Variants in IMMP2L observed in about 807,000 individuals in gnomAD.
The protein encoded by IMMP2L is mitochondrial inner membrane protease subunit 2.
In IMMP2L, 18 loss-of-function variants were observed where a neutral mutation model predicts 19.3. The ratio of observed to expected loss-of-function variants is 0.93; its 90% CI spans 0.64 to 1.38. The LOEUF is 1.38. Ranked by LOEUF, IMMP2L falls within the 40% of genes most tolerant of loss-of-function variation. The pLI, the probability that IMMP2L is intolerant of heterozygous loss-of-function variation, is 0.00. For synonymous variants in IMMP2L, 76 were observed against 73.0 expected (o/e 1.04, Z -0.21); for missense variants, 233 against 218.2 (o/e 1.07, Z -0.43).
chr7:110,890,189 C>T (rs1258906051), intron 4 of IMMP2L, among the ~76,000 whole-genome samples: 1 of 152,110 alleles, frequency 6.6e-6, no homozygotes, highest in Non-Finnish European at 1.5e-5. Flanking sequence ...TTTGCTCCTA[C>T]GTCCTTCTGG....
At chr7:111,151,423 C>T (rs1224229149) in intron 3 of IMMP2L, among the ~76,000 whole-genome samples, 2 of 151,852 alleles carry the variant, frequency 1.3e-5, no homozygotes, top group Admixed American at 6.6e-5. Flanking sequence ...GTTTCTTCAA[C>T]AAATAAATTG....
intron 5 of IMMP2L, among the ~76,000 whole-genome samples, chr7:110,866,196 G>C (rs1354684801): frequency 6.6e-6 from 1 of 151,620 alleles, no homozygotes; most frequent in Admixed American, 6.6e-5. Context: ...CTCTACTTTA[G>C]GAAATTTCTA....
chr7:110,866,504 C>T (rs1807995391), intron 5 of IMMP2L, among the ~76,000 whole-genome samples: 1 of 151,910 alleles, frequency 6.6e-6, no homozygotes, highest in South Asian at 2.1e-4. Context: ...TTGCTCTTCC[C>T]TCTATTGCTT....
At chr7:110,835,335 C>T (rs10235042) in intron 5 of IMMP2L, among the ~76,000 whole-genome samples, 4,122 of 152,118 alleles carry the variant, frequency 0.027, 191 homozygotes, top group African/African-American at 0.093. Flanking sequence ...TATCTGAGGC[C>T]AAAGGTCTGA....
chr7:110,949,813 G>T (rs1817609872), intron 4 of IMMP2L, among the ~76,000 whole-genome samples: 1 of 152,082 alleles, frequency 6.6e-6, no homozygotes, highest in Admixed American at 6.6e-5. Flanking sequence ...AGCAGGTTAA[G>T]ATTAGAAAGA....
At chr7:111,303,015 C>T (rs1035121998) in intron 3 of IMMP2L, among the ~76,000 whole-genome samples, 2 of 152,234 alleles carry the variant, frequency 1.3e-5, no homozygotes, top group Non-Finnish European at 2.9e-5. Context: ...GCCATCTTGC[C>T]TCCATCCTTG....
intron 3 of IMMP2L, among the ~76,000 whole-genome samples, chr7:110,969,313 G>A (rs1340906040): frequency 2.6e-5 from 4 of 152,024 alleles, no homozygotes; most frequent in Non-Finnish European, 5.9e-5. Context: ...ATGTAGGTCA[G>A]TAGTATTTCA....
chr7:111,068,166 C>T (rs758020209), intron 3 of IMMP2L, among the ~76,000 whole-genome samples: 1 of 151,982 alleles, frequency 6.6e-6, no homozygotes, highest in South Asian at 2.1e-4. Flanking sequence ...TACATACATA[C>T]ATACATCAAG....
chr7:110,694,882 T>C (rs1793766669), intron 5 of IMMP2L, among the ~76,000 whole-genome samples: 1 of 151,656 alleles, frequency 6.6e-6, no homozygotes, highest in Admixed American at 6.6e-5. Flanking sequence ...AGATTATTCA[T>C]CTATAAAAAA....
At chr7:111,121,988 C>T (rs214866) in intron 3 of IMMP2L, among the ~76,000 whole-genome samples, 8,184 of 150,876 alleles carry the variant, frequency 0.054, 423 homozygotes, top group African/African-American at 0.13. Context: ...ACAAAAAAAC[C>T]AAACACCACA....
At chr7:110,812,107 T>C (rs1802083068) in intron 5 of IMMP2L, among the ~76,000 whole-genome samples, 1 of 152,062 alleles carries the variant, frequency 6.6e-6, no homozygotes, top group Non-Finnish European at 1.5e-5. Context: ...TATGTATATA[T>C]ACATAAATGT....
At chr7:111,238,429 C>A (rs1814601234) in intron 3 of IMMP2L, among the ~76,000 whole-genome samples, 1 of 151,902 alleles carries the variant, frequency 6.6e-6, no homozygotes, top group African/African-American at 2.4e-5. Flanking sequence ...GTTTCACTGA[C>A]AATACGATGT....
intron 3 of IMMP2L, among the ~76,000 whole-genome samples, chr7:111,142,336 AAAAAAAAGAAAG>A (rs1470643882): frequency 9.0e-5 from 12 of 132,674 alleles, no homozygotes; most frequent in African/African-American, 1.0e-4. Flanking sequence ...AAAAAAAAAA[AAAAAAAAGAAAG>A]AAAGAAAGAA....
chr7:111,188,696 G>C (rs1282005716), intron 3 of IMMP2L, among the ~76,000 whole-genome samples: 1 of 152,062 alleles, frequency 6.6e-6, no homozygotes, highest in Non-Finnish European at 1.5e-5. Context: ...ACTTGCTAGT[G>C]AGTGGGTAGC....
intron 5 of IMMP2L, among the ~76,000 whole-genome samples, chr7:110,878,283 A>G (rs1809278271): frequency 6.6e-6 from 1 of 152,106 alleles, no homozygotes; most frequent in Non-Finnish European, 1.5e-5. Flanking sequence ...GGAGCATGAT[A>G]CTCTTTACAT....
chr7:111,022,161 T>C (rs1826349923), intron 3 of IMMP2L, among the ~76,000 whole-genome samples: 1 of 152,200 alleles, frequency 6.6e-6, no homozygotes, highest in African/African-American at 2.4e-5. Context: ...CAACAAATCC[T>C]AGTCTGAAGC....
intron 3 of IMMP2L, among the ~76,000 whole-genome samples, chr7:111,148,745 C>G (rs1041705881): frequency 6.6e-6 from 1 of 151,124 alleles, no homozygotes; most frequent in African/African-American, 2.4e-5. Flanking sequence ...GGATGACATA[C>G]GTGTATGTGT....
intron 3 of IMMP2L, among the ~76,000 whole-genome samples, chr7:111,395,860 A>C (rs1232933452): frequency 6.6e-6 from 1 of 152,216 alleles, no homozygotes; most frequent in South Asian, 2.1e-4. Context: ...TCTGAAGAAG[A>C]GAAAACAAAC....
intron 2 of IMMP2L, among the ~76,000 whole-genome samples, chr7:111,499,448 C>T (rs1019632959): frequency 3.3e-5 from 5 of 152,084 alleles, no homozygotes; most frequent in African/African-American, 4.8e-5. Context: ...GATTCATATC[C>T]GTTAATTCAT....
Sources: allele counts gnomAD v4.1 joint callset (sites outside exome capture counted in the v4.1 genomes callset), GRCh38; gene constraint gnomAD v4.1.1; transcripts MANE v1.5; gene names NCBI Gene and HGNC (gene_info 2026-07-23, HGNC 2026-07-21).